The following FRK variants were observed in gnomAD, a reference collection of about 807,000 sequenced individuals.
FRK encodes the protein fyn related Src family tyrosine kinase, also known as tyrosine-protein kinase FRK.
Under a neutral mutation model 56.4 loss-of-function variants are expected in FRK, and 51 were observed. That is an observed-to-expected ratio of 0.90 (90% CI 0.72 to 1.14). The LOEUF (loss-of-function observed/expected upper bound fraction) is 1.14, where lower values mean the gene tolerates loss of function less well. Ranked by LOEUF, FRK falls within the 50% of genes most tolerant of loss-of-function variation. FRK has a pLI of 0.00. For missense variants in FRK, 570 were observed against 601.4 expected (o/e 0.95, Z 0.55); for synonymous variants, 245 against 217.9 (o/e 1.12, Z -1.10).
chr6:116,058,754 C>A (rs1267528139), intron 1 of FRK, among the ~76,000 whole-genome samples: 1 of 151,490 alleles, frequency 6.6e-6, no homozygotes, highest in Non-Finnish European at 1.5e-5. Context: ...ACTAAAAATA[C>A]AAAAAAATTA....
chr6:116,001,394 A>T (rs1417902400), intron 2 of FRK, among the ~76,000 whole-genome samples: 1 of 152,188 alleles, frequency 6.6e-6, no homozygotes, highest in African/African-American at 2.4e-5. Context: ...CACTATTAAC[A>T]AAAGTTAACC....
At chr6:116,062,645 A>G (rs2114845964), upstream of FRK, among the ~76,000 whole-genome samples, 1 of 152,290 alleles carries the variant, frequency 6.6e-6, no homozygotes, top group African/African-American at 2.4e-5. Flanking sequence ...CCTGCACACC[A>G]CAGTCATTGA....
chr6:116,085,346 T>C, the FRK span, among the ~76,000 whole-genome samples: 1 of 152,206 alleles, frequency 6.6e-6, no homozygotes, highest in Non-Finnish European at 1.5e-5. Flanking sequence ...CTTCTGGGAA[T>C]AATAATGATG....
intron 1 of FRK, among the ~76,000 whole-genome samples, chr6:116,039,962 GA>G (rs1389163697): frequency 6.7e-6 from 1 of 148,522 alleles, no homozygotes; most frequent in African/African-American, 2.5e-5. Context: ...AAAAAAAAAG[GA>G]AAAAGAAAAT....
At chr6:116,034,581 A>C (rs1776402130) in intron 1 of FRK, among the ~76,000 whole-genome samples, 1 of 152,088 alleles carries the variant, frequency 6.6e-6, no homozygotes, top group Non-Finnish European at 1.5e-5. Context: ...AAAGGAAATA[A>C]ATTGCAAGGA....
At chr6:116,019,669 T>C (rs968747759) in intron 1 of FRK, among the ~76,000 whole-genome samples, 3 of 152,182 alleles carry the variant, frequency 2.0e-5, no homozygotes, top group African/African-American at 7.2e-5. Context: ...ATTGCATGAT[T>C]TGTCATGCAG....
chr6:116,060,634 A>C lies in FRK; in HGVS notation c.-323T>G. The C allele has an allele frequency of 9.0e-6, 2 of 222,430 alleles. No homozygotes were observed. Among genetic ancestry groups the C allele is most frequent in the Non-Finnish European group, 8.9e-6 (1 of 112,478 alleles). 13.8% of individuals were successfully genotyped at this position (222,430 alleles called of 1,614,324 possible). Reference sequence around the variant, plus strand: ...CACAACAAAAATAAAATAAAATTAAAAGGGCTTTATTTAGACAAATATCTG... The same window carrying C: ...CACAACAAAAATAAAATAAAATTAACAGGGCTTTATTTAGACAAATATCTG... On this transcript the variant is annotated 5_prime_UTR_variant, in exon 1 of 8. Transcript: ENST00000606080.
chr6:115,975,602 C>A (rs1271647728), intron 2 of FRK, among the ~76,000 whole-genome samples: 1 of 152,012 alleles, frequency 6.6e-6, no homozygotes, highest in Non-Finnish European at 1.5e-5. Context: ...GAGCCTATTC[C>A]ATTTCCTACA....
chr6:116,085,712 G>A, the FRK span, among the ~76,000 whole-genome samples: 1 of 152,050 alleles, frequency 6.6e-6, no homozygotes, highest in Non-Finnish European at 1.5e-5. Flanking sequence ...GTGTGTGTGT[G>A]GGTGTGTGTG....
At chr6:116,041,571 T>C (rs1562300638) in intron 1 of FRK, among the ~76,000 whole-genome samples, 1 of 151,998 alleles carries the variant, frequency 6.6e-6, no homozygotes, top group Non-Finnish European at 1.5e-5. Context: ...ATTGGGACTG[T>C]TTAGACAGTT....
chr6:115,958,716 A>AAAGAAAG (rs1773166734), intron 4 of FRK, among the ~76,000 whole-genome samples: 3 of 20,282 alleles, frequency 1.5e-4, no homozygotes, highest in African/African-American at 6.1e-4. Context: ...AGAAAGAAAG[A>AAAGAAAG]AAGAAAGAAA....
rs755032467 is a variant in FRK, at chr6:116,059,978, G to A, written c.334C>T (p.Gln112Ter). 24 of 1,613,408 alleles carry A rather than the reference G, an allele frequency of 1.5e-5. No homozygotes were observed. In the South Asian group the frequency reaches 2.3e-4, roughly 16 times the overall value. Reference sequence around the variant, plus strand: ...GTTTGTACTACTCACGGCTCTGCCTGTAGGCTTCTGTCCTCAGCCACGTAG... The same window carrying A: ...GTTTGTACTACTCACGGCTCTGCCTATAGGCTTCTGTCCTCAGCCACGTAG... The part of the protein sequence containing the change: ...SNYVAEDRSL[Q>*]AEPWFFGAIG... The change falls in exon 1 of 8, where the codon CAG (glutamine) becomes TAG (stop). Residue 112 changes from glutamine (Q) to a stop codon, truncating the protein, a stop_gained. Coordinates refer to ENST00000606080, the MANE Select transcript of FRK (RefSeq NM_002031.3). LOFTEE classifies it high-confidence loss of function.
At chr6:116,065,280 A>G (rs1582776476), upstream of FRK, among the ~76,000 whole-genome samples, 1 of 152,336 alleles carries the variant, frequency 6.6e-6, no homozygotes, top group East Asian at 1.9e-4. Context: ...TAGGGCTTAG[A>G]GAGAGCTATC....
the FRK span, among the ~76,000 whole-genome samples, chr6:116,084,731 G>A: frequency 3.3e-5 from 5 of 152,312 alleles, no homozygotes; most frequent in Admixed American, 2.6e-4. Context: ...TTGCAAAGTT[G>A]TATTGTAAGG....
the FRK span, among the ~76,000 whole-genome samples, chr6:116,096,598 C>A: frequency 6.6e-6 from 1 of 152,122 alleles, no homozygotes; most frequent in Non-Finnish European, 1.5e-5. Context: ...AATGAGCACT[C>A]TGTGTCTAGC....
intron 2 of FRK, among the ~76,000 whole-genome samples, chr6:115,972,185 G>A (rs1773827615): frequency 6.6e-6 from 1 of 152,110 alleles, no homozygotes; most frequent in South Asian, 2.1e-4. Flanking sequence ...GCTTTCCTGG[G>A]CAAAACCCAA....
the FRK span, among the ~76,000 whole-genome samples, chr6:116,081,916 G>A: frequency 6.6e-6 from 1 of 152,084 alleles, no homozygotes; most frequent in Non-Finnish European, 1.5e-5. Flanking sequence ...TGGGAGGGGA[G>A]AGAATAATAA....
At chr6:116,045,081 G>A (rs1017592662) in intron 1 of FRK, among the ~76,000 whole-genome samples, 1 of 152,150 alleles carries the variant, frequency 6.6e-6, no homozygotes, top group Non-Finnish European at 1.5e-5. Context: ...GGAAATAAGA[G>A]AGGACACAAA....
chr6:115,977,418 T>A (rs967463413), intron 2 of FRK, among the ~76,000 whole-genome samples: 5 of 152,060 alleles, frequency 3.3e-5, no homozygotes, highest in Non-Finnish European at 5.9e-5. Context: ...AACCTATGGG[T>A]CTCAAAGGGC....
Sources: allele counts gnomAD v4.1 joint callset (sites outside exome capture counted in the v4.1 genomes callset), GRCh38; gene constraint gnomAD v4.1.1; transcripts MANE v1.5; gene names NCBI Gene and HGNC (gene_info 2026-07-23, HGNC 2026-07-21).